Variants in NDUFS4 observed in about 807,000 individuals in gnomAD.
NDUFS4 encodes the protein NADH:ubiquinone oxidoreductase subunit S4.
NDUFS4 carries 28 observed loss-of-function variants against 24.3 expected under a neutral mutation model. The observed-to-expected ratio is 1.15, with a 90% CI of 0.85 to 1.58. The LOEUF (loss-of-function observed/expected upper bound fraction) is 1.58, where lower values mean the gene tolerates loss of function less well. Among genes scored for constraint, NDUFS4 ranks in the 40% most tolerant of loss-of-function variants. The probability of loss-of-function intolerance (pLI) is 0.00; values close to 1 mark genes in which losing one functional copy is unlikely to be tolerated. For synonymous variants in NDUFS4, 93 were observed against 69.7 expected (o/e 1.34, Z -1.67); for missense variants, 223 against 207.9 (o/e 1.07, Z -0.45).
At chr5:53,640,567 A>AAG (rs910878667) in intron 2 of NDUFS4, among the ~76,000 whole-genome samples, 2 of 152,050 alleles carry the variant, frequency 1.3e-5, no homozygotes, top group Admixed American at 6.6e-5. Context: ...TAGAGGAGGC[A>AAG]AGAGAGAGAG....
intron 1 of NDUFS4, among the ~76,000 whole-genome samples, chr5:53,579,044 G>C (rs764991536): frequency 6.6e-6 from 1 of 152,122 alleles, no homozygotes; most frequent in Non-Finnish European, 1.5e-5. Flanking sequence ...GGTCAGCAGT[G>C]ACCCTGTTGC....
At chr5:53,592,231 T>C (rs182288101) in intron 1 of NDUFS4, among the ~76,000 whole-genome samples, 2 of 152,202 alleles carry the variant, frequency 1.3e-5, no homozygotes, top group African/African-American at 4.8e-5. Context: ...GGATTACAGG[T>C]GTGAGCCGCT....
At chr5:53,568,580 G>C (rs893117874) in intron 1 of NDUFS4, among the ~76,000 whole-genome samples, 21 of 152,054 alleles carry the variant, frequency 1.4e-4, no homozygotes, top group African/African-American at 4.3e-4. Flanking sequence ...GGGAAAAAAG[G>C]CATTTTGATA....
chr5:53,653,992 A>T (rs1331105941), intron 3 of NDUFS4, among the ~76,000 whole-genome samples: 1 of 152,150 alleles, frequency 6.6e-6, no homozygotes, highest in Non-Finnish European at 1.5e-5. Context: ...ATATAATCTA[A>T]CAATAGTGGC....
At chr5:53,681,517 G>A (rs1210201370) in intron 4 of NDUFS4, among the ~76,000 whole-genome samples, 4 of 152,064 alleles carry the variant, frequency 2.6e-5, no homozygotes, top group Non-Finnish European at 5.9e-5. Context: ...TTTTGAAATG[G>A]AGATAACTAC....
chr5:53,679,018 A>G lies in NDUFS4; in HGVS notation c.425-4100A>G, dbSNP rs550774050. ...TGATCAGATTCTTAACAGTACCTCA[A>G]AAAACAGCAAATTTTTATTATGATG... On this transcript the variant is annotated intron_variant, in intron 4 of 4. Coordinates refer to ENST00000296684, the MANE Select transcript of NDUFS4 (RefSeq NM_002495.4). Among the ~76,000 whole-genome samples, 11 of 152,302 alleles carry G rather than the reference A, an allele frequency of 7.2e-5. No individual in the cohort carries two copies. The South Asian group carries it at 8.3e-4, about 11-fold the overall frequency.
chr5:53,607,260 T>A (rs1014802778), intron 2 of NDUFS4, among the ~76,000 whole-genome samples: 17 of 152,180 alleles, frequency 1.1e-4, no homozygotes, highest in Non-Finnish European at 1.2e-4. Context: ...GTTGTGCCCA[T>A]CTCTCCTTCC....
chr5:53,586,668 G>A (rs35879821), intron 1 of NDUFS4, among the ~76,000 whole-genome samples: 64,029 of 151,838 alleles, frequency 0.42, 14,317 homozygotes, highest in Admixed American at 0.5. Flanking sequence ...GACTACTTGC[G>A]TCCACCACCA....
At chr5:53,584,368 T>C (rs1749672410) in intron 1 of NDUFS4, among the ~76,000 whole-genome samples, 2 of 152,200 alleles carry the variant, frequency 1.3e-5, no homozygotes, top group South Asian at 4.1e-4. Flanking sequence ...GCTTCTTTTT[T>C]TTTTGAGATG....
intron 1 of NDUFS4, among the ~76,000 whole-genome samples, chr5:53,567,993 A>G (rs1304108887): frequency 1.3e-5 from 2 of 152,150 alleles, no homozygotes; most frequent in African/African-American, 4.8e-5. Context: ...CATTCTTCAT[A>G]ACAACTTTCA....
At chr5:53,571,321 C>T (rs1319802029) in intron 1 of NDUFS4, among the ~76,000 whole-genome samples, 1 of 152,156 alleles carries the variant, frequency 6.6e-6, no homozygotes, top group African/African-American at 2.4e-5. Context: ...AGGCTTGTTT[C>T]AGTTAGCATA....
At chr5:53,641,758 A>T (rs1208832726) in intron 2 of NDUFS4, among the ~76,000 whole-genome samples, 4 of 152,114 alleles carry the variant, frequency 2.6e-5, no homozygotes, top group Non-Finnish European at 4.4e-5. Context: ...TGAAACCTTT[A>T]ATGAGTTTCT....
chr5:53,573,148 T>A (rs565806259), intron 1 of NDUFS4, among the ~76,000 whole-genome samples: 105 of 151,638 alleles, frequency 6.9e-4, no homozygotes, highest in Non-Finnish European at 1.1e-3. Flanking sequence ...ATTTTTATAT[T>A]TTTTTTGTAG....
At chr5:53,601,420 G>A (rs1423436110) in intron 1 of NDUFS4, among the ~76,000 whole-genome samples, 1 of 152,040 alleles carries the variant, frequency 6.6e-6, no homozygotes. Context: ...TATAAATTAA[G>A]AACTTTACTT....
intron 1 of NDUFS4, chr5:53,573,569 G>A (rs905512408): frequency 8.9e-6 from 4 of 451,086 alleles, no homozygotes; most frequent in African/African-American, 8.1e-5. Flanking sequence ...AAAGAGCATT[G>A]CTTTTAAAAT....
chr5:53,560,787 A>G, intron 1 of NDUFS4, 27 bp downstream of exon 1: 1 of 1,613,782 alleles, frequency 6.2e-7, no homozygotes, highest in Admixed American at 1.7e-5. Flanking sequence ...ACTTTTCTTC[A>G]AGCTTCTTGG....
At chr5:53,638,443 T>C (rs1751617056) in intron 2 of NDUFS4, among the ~76,000 whole-genome samples, 1 of 152,014 alleles carries the variant, frequency 6.6e-6, no homozygotes, top group Non-Finnish European at 1.5e-5. Flanking sequence ...TGACAAAAGA[T>C]TTTAAAGGCA....
intron 4 of NDUFS4, among the ~76,000 whole-genome samples, chr5:53,680,149 A>C (rs986486278): frequency 4.1e-5 from 6 of 146,526 alleles, no homozygotes; most frequent in Admixed American, 4.0e-4. Context: ...CTGTGACCTT[A>C]GGCTGTTTAT....
chr5:53,625,829 A>G (rs948948858), intron 2 of NDUFS4, among the ~76,000 whole-genome samples: 3 of 151,794 alleles, frequency 2.0e-5, no homozygotes, highest in Non-Finnish European at 4.4e-5. Context: ...TTCAGGGCCT[A>G]TTTCTATTGA....
Sources: gnomAD v4.1 joint callset for allele counts (sites outside exome capture counted in the v4.1 genomes callset) on GRCh38, gnomAD v4.1.1 for gene constraint, MANE v1.5 for transcripts, NCBI Gene and HGNC (gene_info 2026-07-23, HGNC 2026-07-21) for gene names.